TRPM1: variants seen among roughly 807,000 people sequenced by gnomAD.
The protein encoded by TRPM1 is transient receptor potential cation channel subfamily M member 1.
Under a neutral mutation model 149.4 loss-of-function variants are expected in TRPM1, and 113 were observed. That is an observed-to-expected ratio of 0.76 (90% CI 0.65 to 0.88). The LOEUF is 0.88. TRPM1 is among the 40% of genes least tolerant of loss of function. The pLI is 0.00. For missense variants in TRPM1, 1,976 were observed against 2,038.7 expected (o/e 0.97, Z 0.59); for synonymous variants, 741 against 759.5 (o/e 0.98, Z 0.40).
At chr15:31,146,129 T>C (rs2036221787) in intron 1 of TRPM1, among the ~76,000 whole-genome samples, 1 of 152,188 alleles carries the variant, frequency 6.6e-6, no homozygotes, top group African/African-American at 2.4e-5. Context: ...GTAGTCTCCT[T>C]GGTGCACTGT....
chr15:31,116,303 A>C (rs915889562), intron 1 of TRPM1, among the ~76,000 whole-genome samples: 2 of 152,166 alleles, frequency 1.3e-5, no homozygotes, highest in African/African-American at 4.8e-5. Flanking sequence ...CACAGGCTGA[A>C]GTCTAATTAC....
intron 1 of TRPM1, among the ~76,000 whole-genome samples, chr15:31,127,596 A>C (rs1000222143): frequency 1.3e-5 from 2 of 152,114 alleles, no homozygotes; most frequent in African/African-American, 4.8e-5. Context: ...TCAAACCTTC[A>C]CTACAACTTG....
intron 22 of TRPM1, among the ~76,000 whole-genome samples, chr15:31,031,542 T>C (rs2033081105): frequency 6.6e-6 from 1 of 152,128 alleles, no homozygotes; most frequent in Non-Finnish European, 1.5e-5. Flanking sequence ...AAAACGATAA[T>C]GAATTGAGAG....
chr15:31,159,882 G>A (rs1055307533), intron 1 of TRPM1, among the ~76,000 whole-genome samples: 4 of 152,246 alleles, frequency 2.6e-5, no homozygotes, highest in African/African-American at 9.6e-5. Flanking sequence ...CACTGCTTCA[G>A]CGGCTCCGTT....
intron 27 of TRPM1, among the ~76,000 whole-genome samples, chr15:31,024,789 C>G (rs950862812): frequency 6.6e-6 from 1 of 152,214 alleles, no homozygotes; most frequent in Admixed American, 6.5e-5. Context: ...TTAACTTTCT[C>G]ATGAAGAAAT....
At chr15:31,011,209 C>A (rs2032172540) in intron 27 of TRPM1, among the ~76,000 whole-genome samples, 1 of 152,120 alleles carries the variant, frequency 6.6e-6, no homozygotes, top group Non-Finnish European at 1.5e-5. Context: ...GTAATTACAC[C>A]ATATTTTAAA....
In TRPM1 at chr15:31,042,009, C is replaced by T. The variant is rs780200870; in HGVS notation, c.2029G>A (p.Glu677Lys). The change falls in exon 17 of 28, where the codon GAG (glutamate) becomes AAG (lysine). Residue 677 changes from glutamate (E) to lysine (K), a missense_variant. By Grantham distance (56) the Glu-to-Lys change is moderately conservative. Transcript: ENST00000256552. ...ACKLYKAMAH[E>K]SSESDLVDDI... ...TCCACCAGATCACTCTCGGAGGACT[C>T]GTGGGCCATGGCCTTGTAGAGCTTG... 3.7e-6 allele frequency: 6 copies of T among 1,614,180 alleles called. No homozygotes were observed. The East Asian group carries it at 1.1e-4, about 30-fold the overall frequency.
chr15:31,087,221 C>T (rs1163092716), intron 1 of TRPM1, among the ~76,000 whole-genome samples: 4 of 130,470 alleles, frequency 3.1e-5, no homozygotes, highest in Admixed American at 8.2e-5. Flanking sequence ...TTAAGCAGGT[C>T]TCAATAGGGA....
intron 1 of TRPM1, among the ~76,000 whole-genome samples, chr15:31,147,700 G>A (rs568311862): frequency 1.1e-3 from 161 of 152,320 alleles, no homozygotes; most frequent in African/African-American, 3.7e-3. Flanking sequence ...GGTACCACTC[G>A]GGGTAACTTG....
chr15:31,112,682 C>A (rs2035707065), intron 1 of TRPM1, among the ~76,000 whole-genome samples: 1 of 152,098 alleles, frequency 6.6e-6, no homozygotes, highest in South Asian at 2.1e-4. Flanking sequence ...ACTGCGTCTG[C>A]CCAAAGGTGA....
intron 1 of TRPM1, among the ~76,000 whole-genome samples, chr15:31,137,122 C>T (rs936125865): frequency 6.6e-6 from 1 of 152,130 alleles, no homozygotes; most frequent in Non-Finnish European, 1.5e-5. Context: ...CAGGGCACAC[C>T]ACCTTTCGGT....
intron 1 of TRPM1, among the ~76,000 whole-genome samples, chr15:31,130,648 A>G (rs980525971): frequency 6.6e-6 from 1 of 152,150 alleles, no homozygotes; most frequent in African/African-American, 2.4e-5. Context: ...TAGACCCTGC[A>G]TTCTGATGCA....
intron 2 of TRPM1, 96 bp from the exon 3 acceptor site, chr15:31,077,080 C>T: frequency 2.5e-6 from 2 of 797,970 alleles, no homozygotes; most frequent in Non-Finnish European, 4.3e-6. Flanking sequence ...TGTCTGCCCA[C>T]AACATCTGAA....
intron 1 of TRPM1, among the ~76,000 whole-genome samples, chr15:31,114,346 A>T (rs941908606): frequency 6.6e-6 from 1 of 152,156 alleles, no homozygotes; most frequent in East Asian, 1.9e-4. Flanking sequence ...AAAGGACATG[A>T]TCTTGTTCTT....
chr15:31,079,256 AAAC>A (rs146795473), intron 2 of TRPM1, among the ~76,000 whole-genome samples: 9,015 of 152,296 alleles, frequency 0.059, 321 homozygotes, highest in South Asian at 0.092. Flanking sequence ...TTAGAATAAC[AAAC>A]AATTATTATC....
intron 1 of TRPM1, among the ~76,000 whole-genome samples, chr15:31,119,884 C>G (rs73375963): frequency 6.6e-6 from 1 of 151,696 alleles, no homozygotes; most frequent in Non-Finnish European, 1.5e-5. Context: ...GAAGAGAGAA[C>G]GTGGAATTTT....
Position 31,038,226 on chromosome 15 carries a change from G to A in TRPM1, c.2317-60C>T, listed in dbSNP as rs1279151536. ...AATTCTAGAAAAATGTCCCAGCATA[G>A]TTAAAATTTTTAAATTATGACCTTC... On this transcript the variant is annotated intron_variant, in intron 18 of 27. Transcript: ENST00000256552. 3.1e-6 allele frequency: 5 copies of A among 1,592,580 alleles called. No homozygotes were observed. In the East Asian group the frequency reaches 1.1e-4, roughly 36 times the overall value.
At position 31,050,669 on chromosome 15, in the gene TRPM1, A is replaced by G. The variant is rs528415071; in HGVS notation, c.1264-87T>C. 6 of 1,377,346 alleles carry G rather than the reference A, an allele frequency of 4.4e-6. No homozygotes were observed. In the East Asian group the frequency reaches 1.4e-4, roughly 32 times the overall value. The allele number at this position is 1,377,346 out of a possible 1,614,324, so 85.3% of individuals were successfully genotyped here. A position where few individuals can be genotyped will look rare whatever the true frequency, so the allele number is the denominator to read the frequency against. The stretch of plus-strand genomic sequence containing the variant: ...AGCTCATTGACCCTCCCACCTCTGT[A>G]TGTGCACACATGCACACCACACATG... On this transcript the variant is annotated intron_variant, in intron 11 of 27. Transcript: ENST00000256552.
intron 1 of TRPM1, among the ~76,000 whole-genome samples, chr15:31,157,220 T>C (rs1043047230): frequency 1.3e-5 from 2 of 152,212 alleles, no homozygotes. Flanking sequence ...GCTAGTGGCT[T>C]ATTTTTTAAT....
Sources: gnomAD v4.1 joint callset for allele counts (sites outside exome capture counted in the v4.1 genomes callset) on GRCh38, gnomAD v4.1.1 for gene constraint, MANE v1.5 for transcripts, NCBI Gene and HGNC (gene_info 2026-07-23, HGNC 2026-07-21) for gene names.